Variants in SLC12A7 observed in about 807,000 individuals in gnomAD.
SLC12A7 encodes the protein K-Cl cotransporter 4.
A neutral mutation model predicts 120.6 loss-of-function variants in SLC12A7; 100 were observed. The observed-to-expected ratio is 0.83, with a 90% CI of 0.71 to 0.98. SLC12A7 has a LOEUF of 0.98. Among genes scored for constraint, SLC12A7 ranks in the 50% least tolerant of loss-of-function variants. The probability of loss-of-function intolerance (pLI) is 0.00; values close to 1 mark genes in which losing one functional copy is unlikely to be tolerated. For missense variants in SLC12A7, 1,373 were observed against 1,548.1 expected (o/e 0.89, Z 1.90); for synonymous variants, 760 against 678.0 (o/e 1.12, Z -1.88).
the SLC12A7 span, among the ~76,000 whole-genome samples, chr5:1,155,621 C>G: frequency 6.6e-6 from 1 of 151,322 alleles, no homozygotes; most frequent in African/African-American, 2.4e-5. Flanking sequence ...GCCCGCCAGG[C>G]CGCCGCCGCC....
At chr5:1,107,213 C>T (rs1040281454) in intron 1 of SLC12A7, among the ~76,000 whole-genome samples, 1 of 152,224 alleles carries the variant, frequency 6.6e-6, no homozygotes, top group Non-Finnish European at 1.5e-5. Flanking sequence ...GAAGAAAAGC[C>T]GGACCACAGG....
intron 16 of SLC12A7, 53 bp downstream of exon 16, chr5:1,074,514 C>A: frequency 6.5e-7 from 1 of 1,535,412 alleles, no homozygotes; most frequent in Non-Finnish European, 8.9e-7. Flanking sequence ...AGGCCGACCT[C>A]AGAAACAGCT....
chr5:1,100,772 C>T (rs1741937957), intron 1 of SLC12A7, among the ~76,000 whole-genome samples: 2 of 152,214 alleles, frequency 1.3e-5, no homozygotes, highest in South Asian at 4.1e-4. Context: ...AGGACCAGGA[C>T]TCCCCAAAAC....
At chr5:1,149,858 G>A in the SLC12A7 span, among the ~76,000 whole-genome samples, 1 of 152,088 alleles carries the variant, frequency 6.6e-6, no homozygotes, top group Non-Finnish European at 1.5e-5. Context: ...GTGAAACTCC[G>A]TCTCTACTCA....
At chr5:1,152,228 C>T in the SLC12A7 span, among the ~76,000 whole-genome samples, 2 of 152,106 alleles carry the variant, frequency 1.3e-5, no homozygotes, top group Non-Finnish European at 2.9e-5. Context: ...CAGCTCATCT[C>T]CCCTCTGCCC....
At chr5:1,076,866 G>A (rs1357685923) in intron 12 of SLC12A7, 54 bp from the exon 13 acceptor site, 1 of 1,248,062 alleles carries the variant, frequency 8.0e-7, no homozygotes, top group South Asian at 1.2e-5. Context: ...TTTTAGGAGA[G>A]AAGCTGCAGG....
the SLC12A7 span, among the ~76,000 whole-genome samples, chr5:1,124,103 C>T: frequency 6.6e-6 from 1 of 152,196 alleles, no homozygotes; most frequent in African/African-American, 2.4e-5. Flanking sequence ...CAGCAACCTC[C>T]ATGGACCTCG....
intron 18 of SLC12A7, 48 bp from the exon 19 acceptor site, chr5:1,064,300 G>A (rs1210946100): frequency 6.4e-7 from 1 of 1,572,828 alleles, no homozygotes; most frequent in Non-Finnish European, 8.6e-7. Context: ...CCAGGGTGCG[G>A]AAGGGGCCTC....
At chr5:1,087,794 G>A (rs997758148) in intron 5 of SLC12A7, among the ~76,000 whole-genome samples, 1 of 152,172 alleles carries the variant, frequency 6.6e-6, no homozygotes, top group African/African-American at 2.4e-5. Context: ...ATCGTAATTC[G>A]TTTATTACTA....
chr5:1,132,672 A>C, the SLC12A7 span, among the ~76,000 whole-genome samples: 20 of 151,994 alleles, frequency 1.3e-4, no homozygotes, highest in Non-Finnish European at 2.6e-4. Context: ...GCTTCCTGAG[A>C]TCATCCTAAT....
rs138045101 is a variant in SLC12A7 at position 1,079,592 on chromosome 5, G to T, written c.1298-96C>A. The T allele has an allele frequency of 6.0e-4, 604 of 999,934 alleles. 4 individuals are homozygous for T. The African/African-American group carries it at 8.4e-3, about 14-fold the overall frequency. 61.9% of individuals were successfully genotyped at this position (999,934 alleles called of 1,614,324 possible). A position where few individuals can be genotyped will look rare whatever the true frequency, so the allele number is the denominator to read the frequency against. On this transcript the variant is annotated intron_variant, in intron 9 of 23. Coordinates refer to ENST00000264930, the MANE Select transcript of SLC12A7 (RefSeq NM_006598.3). Reference sequence around the variant, plus strand: ...GAAAGCTGGAAAGGCGGTCTCTGGGGAGACCCCGAGCGTGAGCTGCAGCCG... The same window carrying T: ...GAAAGCTGGAAAGGCGGTCTCTGGGTAGACCCCGAGCGTGAGCTGCAGCCG...
the SLC12A7 span, among the ~76,000 whole-genome samples, chr5:1,148,586 T>G: frequency 6.6e-6 from 1 of 152,238 alleles, no homozygotes; most frequent in Admixed American, 6.5e-5. Flanking sequence ...CAAATTTAGC[T>G]GTAGATTGAA....
chr5:1,077,875 T>G lies in SLC12A7; in HGVS notation c.1587A>C (p.Leu529=). 1 of 1,597,016 alleles carries G rather than the reference T, an allele frequency of 6.3e-7. No individual in the cohort carries two copies. Among genetic ancestry groups the G allele is most frequent in the Non-Finnish European group, 8.5e-7 (1 of 1,172,582 alleles). The change falls in exon 12 of 24, where the codon CTA becomes CTC. Residue 529 remains leucine, a synonymous_variant. Transcript: ENST00000264930. ...TGCCGTCACGGGCAATGGCCTGCAGTAGGCGCGGTGCCCCCGTGAGGCTCT... is the reference window on the plus strand; with the variant it reads ...TGCCGTCACGGGCAATGGCCTGCAGGAGGCGCGGTGCCCCCGTGAGGCTCT... ...GLQSLTGAPR[L]LQAIARDGIV...
chr5:1,062,369 G>A (rs994177719), intron 20 of SLC12A7, among the ~76,000 whole-genome samples: 3 of 152,182 alleles, frequency 2.0e-5, no homozygotes, highest in African/African-American at 4.8e-5. Flanking sequence ...CCTTGAACCC[G>A]CAAAGCCTCG....
At chr5:1,119,800 G>A in the SLC12A7 span, among the ~76,000 whole-genome samples, 7 of 152,370 alleles carry the variant, frequency 4.6e-5, no homozygotes, top group Admixed American at 1.3e-4. Flanking sequence ...GGGGTCCACC[G>A]GCGCTGTCCT....
the SLC12A7 span, among the ~76,000 whole-genome samples, chr5:1,130,870 A>G: frequency 6.6e-6 from 1 of 152,224 alleles, no homozygotes; most frequent in Non-Finnish European, 1.5e-5. Flanking sequence ...CGGCTGGGCC[A>G]GTCTGAGCCG....
chr5:1,089,939 C>T (rs1181688746), intron 3 of SLC12A7, among the ~76,000 whole-genome samples: 1 of 152,274 alleles, frequency 6.6e-6, no homozygotes, highest in East Asian at 1.9e-4. Flanking sequence ...GCACGTGGCT[C>T]AGACCTGGAG....
rs530734672 is a variant in SLC12A7, at chr5:1,062,477, C to T, written c.2739+1367G>A. Among the ~76,000 whole-genome samples, 234 of 152,310 alleles carry T rather than the reference C, an allele frequency of 1.5e-3. 2 individuals carry two copies. Among genetic ancestry groups the T allele is most frequent in the Middle Eastern group, 0.01 (3 of 294 alleles). On this transcript the variant is annotated intron_variant, in intron 20 of 23. Coordinates refer to ENST00000264930, the MANE Select transcript of SLC12A7 (RefSeq NM_006598.3). ...CTGGGCAGAAAACCATCCAGCGTCACGCAGGCCTGCAGCCCTCGGCCTAGG... is the reference window on the plus strand; with the variant it reads ...CTGGGCAGAAAACCATCCAGCGTCATGCAGGCCTGCAGCCCTCGGCCTAGG...
chr5:1,099,928 C>T (rs1263811159), intron 1 of SLC12A7, among the ~76,000 whole-genome samples: 5 of 152,174 alleles, frequency 3.3e-5, no homozygotes, highest in Middle Eastern at 3.2e-3. Context: ...GCCTGGCCCG[C>T]CCCACTTCGC....
Sources: gnomAD v4.1 joint callset for allele counts (sites outside exome capture counted in the v4.1 genomes callset) on GRCh38, gnomAD v4.1.1 for gene constraint, MANE v1.5 for transcripts, NCBI Gene and HGNC (gene_info 2026-07-23, HGNC 2026-07-21) for gene names.